FAM222B: variants seen among roughly 807,000 people sequenced by gnomAD.
The protein encoded by FAM222B is protein FAM222B.
Under a neutral mutation model 38.0 loss-of-function variants are expected in FAM222B, and 12 were observed. That is an observed-to-expected ratio of 0.32 (90% confidence interval 0.20 to 0.51). FAM222B has a LOEUF of 0.51. Among genes scored for constraint, FAM222B ranks in the 20% least tolerant of loss-of-function variants. The pLI is 0.97. For synonymous variants in FAM222B, 329 were observed against 317.2 expected (o/e 1.04, Z -0.40); for missense variants, 716 against 754.2 (o/e 0.95, Z 0.59).
chr17:28,775,523 G>A (rs1485611591), intron 1 of FAM222B, among the ~76,000 whole-genome samples: 1 of 151,366 alleles, frequency 6.6e-6, no homozygotes, highest in Non-Finnish European at 1.5e-5. Flanking sequence ...AACCCAGGGT[G>A]GCCAGCCCAG....
intron 1 of FAM222B, among the ~76,000 whole-genome samples, chr17:28,803,134 G>A (rs1010155203): frequency 1.3e-5 from 2 of 151,796 alleles, no homozygotes; most frequent in Non-Finnish European, 2.9e-5. Context: ...TTAGCCTCCT[G>A]AGTAACTGGG....
chr17:28,838,164 C>CTGAAGCAGGAGAACTGCT (rs199888479), intron 1 of FAM222B, among the ~76,000 whole-genome samples: 1 of 152,102 alleles, frequency 6.6e-6, no homozygotes, highest in Non-Finnish European at 1.5e-5. Flanking sequence ...ACTCAGGAGG[C>CTGAAGCAGGAGAACTGCT]TGAAGCAGGA....
chr17:28,786,896 T>A (rs1185123857), intron 1 of FAM222B, among the ~76,000 whole-genome samples: 1 of 17,488 alleles, frequency 5.7e-5, no homozygotes, highest in Non-Finnish European at 1.9e-4. Context: ...TTCACTGTAT[T>A]TTTTTTTTTT....
At chr17:28,822,057 C>A (rs907470957) in intron 1 of FAM222B, among the ~76,000 whole-genome samples, 5 of 151,714 alleles carry the variant, frequency 3.3e-5, no homozygotes, top group Admixed American at 6.6e-5. Context: ...GGTGCAGTGG[C>A]TCACGCCTAT....
At position 28,766,669 on chromosome 17, in the gene FAM222B, G is replaced by A; in HGVS notation, c.-2C>T. On this transcript the variant is annotated 5_prime_UTR_variant, in exon 2 of 3. Transcript: ENST00000581407. The stretch of plus-strand genomic sequence containing the variant: ...TGGCCCTGGTAGACAGGCTAGCATG[G>A]CAGATTGGCATCAACACAACATGGG... 2 of 1,599,388 alleles carry A rather than the reference G, an allele frequency of 1.3e-6. No individual in the cohort carries two copies. Among genetic ancestry groups the A allele is most frequent in the South Asian group, 2.3e-5 (2 of 88,542 alleles).
chr17:28,799,109 G>A (rs1326897766), intron 1 of FAM222B, among the ~76,000 whole-genome samples: 1 of 151,208 alleles, frequency 6.6e-6, no homozygotes, highest in Admixed American at 6.6e-5. Context: ...CAAGTAGCTG[G>A]GACTACAGGC....
At chr17:28,792,311 CAAAA>C (rs71135853) in intron 1 of FAM222B, among the ~76,000 whole-genome samples, 1 of 110,196 alleles carries the variant, frequency 9.1e-6, no homozygotes, top group African/African-American at 3.8e-5. Flanking sequence ...GACTCTGTCT[CAAAA>C]AAAAAAAAAA....
At chr17:28,821,666 A>G (rs2038222670) in intron 1 of FAM222B, among the ~76,000 whole-genome samples, 6 of 152,156 alleles carry the variant, frequency 3.9e-5, no homozygotes, top group Admixed American at 3.9e-4. Flanking sequence ...TCCATATAAA[A>G]TAATCGTACA....
chr17:28,827,572 G>C (rs2038489325), intron 1 of FAM222B, among the ~76,000 whole-genome samples: 2 of 152,162 alleles, frequency 1.3e-5, no homozygotes, highest in African/African-American at 2.4e-5. Context: ...ATCAGCAAGA[G>C]TGATTAATAC....
chr17:28,805,696 G>A (rs976899112), intron 1 of FAM222B, among the ~76,000 whole-genome samples: 2 of 151,948 alleles, frequency 1.3e-5, no homozygotes, highest in Admixed American at 6.6e-5. Flanking sequence ...TGGGATCTCT[G>A]TCTCAAAACA....
intron 1 of FAM222B, among the ~76,000 whole-genome samples, chr17:28,801,285 C>T (rs2037210542): frequency 1.3e-5 from 2 of 151,046 alleles, no homozygotes; most frequent in African/African-American, 4.9e-5. Flanking sequence ...AACCCCGTCT[C>T]TACTAAAAAT....
rs377687720 is a variant in FAM222B, at chr17:28,842,719, T to TGCCGCCC, written c.-85_-79dup. ...GGCCCGGCCCTCATGGCTGCTCCTT[T>TGCCGCCC]GCCGCCCGCCGCCCGCCGCCACCAC... On this transcript the variant is annotated 5_prime_UTR_variant, in exon 1 of 3. Coordinates refer to ENST00000581407, the MANE Select transcript of FAM222B (RefSeq NM_001077498.3). 0.25 allele frequency: 37,993 copies of TGCCGCCC among 153,578 alleles called. 5,057 individuals are homozygous for TGCCGCCC. Among genetic ancestry groups the TGCCGCCC allele is most frequent in the South Asian group, 0.34 (1,888 of 5,488 alleles). 9.5% of individuals were successfully genotyped at this position (153,578 alleles called of 1,614,324 possible).
upstream of FAM222B, among the ~76,000 whole-genome samples, chr17:28,843,892 G>A (rs973777737): frequency 1.3e-5 from 2 of 152,200 alleles, no homozygotes; most frequent in East Asian, 1.9e-4. Flanking sequence ...ACCTCGCCTA[G>A]AATGCACTGG....
intron 1 of FAM222B, among the ~76,000 whole-genome samples, chr17:28,820,333 T>C (rs2038165592): frequency 6.6e-6 from 1 of 152,250 alleles, no homozygotes; most frequent in African/African-American, 2.4e-5. Flanking sequence ...ACTGATTCTA[T>C]ATTTAGACTC....
chr17:28,835,787 T>A (rs944048755), intron 1 of FAM222B, among the ~76,000 whole-genome samples: 1 of 152,024 alleles, frequency 6.6e-6, no homozygotes, highest in African/African-American at 2.4e-5. Context: ...TCCTCCCACC[T>A]CAGCCTCCCA....
intron 2 of FAM222B, among the ~76,000 whole-genome samples, chr17:28,765,053 A>T (rs2035264820): frequency 6.6e-6 from 1 of 152,204 alleles, no homozygotes; most frequent in Non-Finnish European, 1.5e-5. Context: ...ACTTATTAAG[A>T]TAAAGGATGG....
chr17:28,802,202 A>C (rs972198760), intron 1 of FAM222B, among the ~76,000 whole-genome samples: 2 of 151,704 alleles, frequency 1.3e-5, no homozygotes, highest in African/African-American at 4.9e-5. Flanking sequence ...GGTTCAAGCA[A>C]TTCTCCTGCT....
intron 1 of FAM222B, among the ~76,000 whole-genome samples, chr17:28,850,203 C>T (rs1360358600): frequency 2.0e-5 from 3 of 152,188 alleles, no homozygotes; most frequent in South Asian, 2.1e-4. Context: ...GAGGGGCCAG[C>T]GGGCAGGGAT....
chr17:28,804,336 C>T (rs555622076), intron 1 of FAM222B, among the ~76,000 whole-genome samples: 12 of 151,864 alleles, frequency 7.9e-5, no homozygotes, highest in South Asian at 2.1e-4. Context: ...AATGCTAATA[C>T]AGATTTTTTT....
Sources: allele counts gnomAD v4.1 joint callset (sites outside exome capture counted in the v4.1 genomes callset), GRCh38; gene constraint gnomAD v4.1.1; transcripts MANE v1.5; gene names NCBI Gene and HGNC (gene_info 2026-07-23, HGNC 2026-07-21).